NIPAL3: variants seen among roughly 807,000 people sequenced by gnomAD.
NIPAL3 encodes NIPA-like protein 3.
In NIPAL3, 41 loss-of-function variants were observed where a neutral mutation model predicts 47.2. That is an observed-to-expected ratio of 0.87 (90% CI 0.68 to 1.13). The LOEUF (loss-of-function observed/expected upper bound fraction) is 1.13. Ranked by LOEUF, NIPAL3 falls within the 50% of genes most tolerant of loss-of-function variation. The pLI is 0.00. For synonymous variants in NIPAL3, 194 were observed against 209.6 expected (o/e 0.93, Z 0.64); for missense variants, 449 against 530.1 (o/e 0.85, Z 1.50).
intron 3 of NIPAL3, 147 bp downstream of exon 3, chr1:24,440,387 C>A: frequency 2.0e-6 from 1 of 503,392 alleles, no homozygotes; most frequent in Non-Finnish European, 3.3e-6. Flanking sequence ...GTGGGCCGTT[C>A]CAGGATTTCT....
rs182179254 is a variant in NIPAL3, at chr1:24,452,843, C to T, written c.541-565C>T. On this transcript the variant is annotated intron_variant, in intron 6 of 11. Coordinates refer to ENST00000374399, the MANE Select transcript of NIPAL3 (RefSeq NM_020448.5). ...CTGGGATTATAGGCAGATGCCACCA[C>T]GCCCAGCTAATTTTTTTTTTTTTTT... is the stretch of plus-strand genomic sequence containing the variant. 2.1e-3 allele frequency among the ~76,000 whole-genome samples: 314 copies of T among 149,712 alleles called. 13 individuals carry two copies. The East Asian group carries it at 0.057, about 27-fold the overall frequency.
At chr1:24,415,299 G>A (rs1022668340), upstream of NIPAL3, 2 of 152,292 alleles carry the variant, frequency 1.3e-5, no homozygotes, top group African/African-American at 4.8e-5. Context: ...GGGCAGGAAA[G>A]GAGAGATATG....
At chr1:24,448,186 G>A (rs1371173205) in intron 5 of NIPAL3, among the ~76,000 whole-genome samples, 1 of 152,196 alleles carries the variant, frequency 6.6e-6, no homozygotes, top group African/African-American at 2.4e-5. Flanking sequence ...CTAGACAGTG[G>A]GATGAAATAG....
rs1644208428 is a variant in NIPAL3 at position 24,419,406 on chromosome 1, G to T, written c.-142G>T. The T allele has an allele frequency of 7.3e-7, 1 of 1,367,428 alleles. No individual in the cohort carries two copies. The highest frequency in any genetic ancestry group is 9.4e-7 in the Non-Finnish European group (1 of 1,060,494). 84.7% of individuals were successfully genotyped at this position (1,367,428 alleles called of 1,614,324 possible). On this transcript the variant is annotated 5_prime_UTR_variant, in exon 2 of 12. It removes the in-frame stop codon of an upstream open reading frame in the 5' UTR. Transcript: ENST00000374399. ...GCTGTAAATCTGCCAAAACAGCCTT[G>T]AAGTATTCTTTTGTCATGAGGAAGT...
chr1:24,468,259 G>A (rs1646781375), intron 11 of NIPAL3, among the ~76,000 whole-genome samples: 1 of 152,104 alleles, frequency 6.6e-6, no homozygotes, highest in African/African-American at 2.4e-5. Flanking sequence ...AGGCTGCAGT[G>A]AGCCAAGATC....
intron 4 of NIPAL3, among the ~76,000 whole-genome samples, chr1:24,444,944 T>A (rs191513175): frequency 6.6e-6 from 1 of 152,324 alleles, no homozygotes; most frequent in Non-Finnish European, 1.5e-5. Flanking sequence ...GTAAATTGCC[T>A]GTCACACAGC....
intron 2 of NIPAL3, among the ~76,000 whole-genome samples, chr1:24,422,463 G>A (rs932959751): frequency 6.6e-6 from 1 of 152,022 alleles, no homozygotes; most frequent in Non-Finnish European, 1.5e-5. Flanking sequence ...TGAAATACCT[G>A]GGGAGCTCTA....
rs1646929483 is a variant in NIPAL3, at chr1:24,472,205, G to C, written c.*3020G>C. On this transcript the variant is annotated 3_prime_UTR_variant, in exon 12 of 12. Transcript: ENST00000374399. ...CAGTGGCATCATCCCACCAACCTGA[G>C]CCATGAAAGGGCTGAGCAGAAAGTT... 1 of 152,190 alleles carries C rather than the reference G, an allele frequency of 6.6e-6. No homozygotes were observed. The highest frequency in any genetic ancestry group is 1.5e-5 in the Non-Finnish European group (1 of 68,058). 9.4% of individuals were successfully genotyped at this position (152,190 alleles called of 1,614,324 possible).
At chr1:24,443,733 A>G (rs1239910628) in intron 4 of NIPAL3, among the ~76,000 whole-genome samples, 1 of 152,224 alleles carries the variant, frequency 6.6e-6, no homozygotes, top group African/African-American at 2.4e-5. Context: ...TTTCCCACAC[A>G]GTACTTTTTT....
In NIPAL3 at chr1:24,430,327, T is replaced by C. The variant is rs535273944; in HGVS notation, c.94-9845T>C. Among the ~76,000 whole-genome samples the C allele has an allele frequency of 3.3e-5, 5 of 150,644 alleles. No homozygotes were observed. In the South Asian group the frequency reaches 1.0e-3, roughly 31 times the overall value. ...GTGCAATGGCGCGATCTCAGCTCAT[T>C]GCAACCTCCACCTCCCAGGTTCAAG... On this transcript the variant is annotated intron_variant, in intron 2 of 11. Coordinates refer to ENST00000374399, the MANE Select transcript of NIPAL3 (RefSeq NM_020448.5).
chr1:24,450,333 A>G (rs1387509230), intron 6 of NIPAL3, among the ~76,000 whole-genome samples: 1 of 152,224 alleles, frequency 6.6e-6, no homozygotes, highest in African/African-American at 2.4e-5. Context: ...CTTTTATGGT[A>G]AGGGGAAGAA....
chr1:24,445,028 A>G (rs1231260860), intron 4 of NIPAL3, among the ~76,000 whole-genome samples, 157 bp from the exon 5 acceptor site: 3 of 152,180 alleles, frequency 2.0e-5, no homozygotes, highest in African/African-American at 7.2e-5. Flanking sequence ...CCTTTCCTAG[A>G]TGGAATCACA....
In NIPAL3 at chr1:24,419,382, C is replaced by T. The variant is rs1179941802; in HGVS notation, c.-166C>T. ...TCTCTGAGTGAAGCTGAGGAGAAGG[C>T]TGTAAATCTGCCAAAACAGCCTTGA... is the stretch of plus-strand genomic sequence containing the variant. On this transcript the variant is annotated 5_prime_UTR_variant, in exon 2 of 12. Transcript: ENST00000374399. 4 of 1,333,704 alleles carry T rather than the reference C, an allele frequency of 3.0e-6. No homozygotes were observed. In the Admixed American group the frequency reaches 1.2e-4, roughly 39 times the overall value. The allele number at this position is 1,333,704 out of a possible 1,614,324, so 82.6% of individuals were successfully genotyped here.
At chr1:24,468,889 T>A in intron 11 of NIPAL3, 97 bp from the exon 12 acceptor site, 1 of 1,099,758 alleles carries the variant, frequency 9.1e-7, no homozygotes, top group East Asian at 2.4e-5. Flanking sequence ...GATTAGCTGC[T>A]GAGCACTATA....
rs72882421 is a variant in NIPAL3, at chr1:24,432,244, C to T, written c.94-7928C>T. Among the ~76,000 whole-genome samples, 871 of 152,328 alleles carry T rather than the reference C, an allele frequency of 5.7e-3. 10 individuals carry two copies. Among genetic ancestry groups the T allele is most frequent in the African/African-American group, 0.019 (806 of 41,564 alleles). On this transcript the variant is annotated intron_variant, in intron 2 of 11. Transcript: ENST00000374399. ...TTCCGGGTTAGTGATTCTCCTGCCT[C>T]AGCCTCCCGAGTAGCTGGAATTACA...
intron 2 of NIPAL3, among the ~76,000 whole-genome samples, chr1:24,435,703 G>A (rs941805053): frequency 2.0e-5 from 3 of 152,194 alleles, no homozygotes; most frequent in African/African-American, 7.2e-5. Flanking sequence ...CTGCATCAAA[G>A]GTAGAAGTCT....
At chr1:24,439,578 ATATTAT>A (rs1241074726) in intron 2 of NIPAL3, among the ~76,000 whole-genome samples, 1 of 151,978 alleles carries the variant, frequency 6.6e-6, no homozygotes, top group Non-Finnish European at 1.5e-5. Flanking sequence ...CTTGTCTAAG[ATATTAT>A]TATTTTTATC....
intron 8 of NIPAL3, 26 bp downstream of exon 8, chr1:24,456,299 G>A: frequency 6.2e-7 from 1 of 1,614,074 alleles, no homozygotes; most frequent in Non-Finnish European, 8.5e-7. Flanking sequence ...TTTTCCTGCT[G>A]GGCCCTGCCA....
Position 24,464,058 on chromosome 1 carries a change from T to A in NIPAL3, c.959T>A (p.Ile320Asn). The part of the protein sequence containing the change: ...CLIAFLGVFL[I>N]TRNRKKPIPF... Reference sequence around the variant, plus strand: ...ATTGCATTCTTGGGCGTCTTCTTAATCACGCGTAACAGGAAGAAGCCCATT... The same window carrying A: ...ATTGCATTCTTGGGCGTCTTCTTAAACACGCGTAACAGGAAGAAGCCCATT... The change falls in exon 11 of 12, where the codon ATC (isoleucine) becomes AAC (asparagine). Residue 320 changes from isoleucine to asparagine, a missense_variant. Physicochemically the swap from Ile to Asn is moderately radical, Grantham distance 149. Transcript: ENST00000374399. The A allele has an allele frequency of 1.9e-6, 3 of 1,613,004 alleles. No homozygotes were observed. Among genetic ancestry groups the A allele is most frequent in the South Asian group, 1.1e-5 (1 of 90,930 alleles).
Sources: gnomAD v4.1 joint callset for allele counts (sites outside exome capture counted in the v4.1 genomes callset) on GRCh38, gnomAD v4.1.1 for gene constraint, MANE v1.5 for transcripts, NCBI Gene and HGNC (gene_info 2026-07-23, HGNC 2026-07-21) for gene names.